HORMAD2: variants seen among roughly 807,000 people sequenced by gnomAD.
HORMAD2 encodes the protein HORMA domain-containing protein 2.
Under a neutral mutation model 38.8 loss-of-function variants are expected in HORMAD2, and 45 were observed. That is an observed-to-expected ratio of 1.16 (90% CI 0.91 to 1.49). The LOEUF (loss-of-function observed/expected upper bound fraction) is 1.49, where lower values mean the gene tolerates loss of function less well. Among genes scored for constraint, HORMAD2 ranks in the 40% most tolerant of loss-of-function variants. The probability of loss-of-function intolerance (pLI) is 0.00; values close to 1 mark genes in which losing one functional copy is unlikely to be tolerated. For missense variants in HORMAD2, 338 were observed against 367.0 expected, an observed-to-expected ratio of 0.92 and a Z score of 0.65; for synonymous variants, 126 against 122.8, an observed-to-expected ratio of 1.03 and a Z score of -0.17.
At chr22:30,191,443 A>G in the HORMAD2 span, among the ~76,000 whole-genome samples, 1 of 152,154 alleles carries the variant, frequency 6.6e-6, no homozygotes, top group Admixed American at 6.5e-5. Context: ...GGGGGACTCC[A>G]GCAGTGGGAG....
At chr22:30,096,571 G>A (rs545300412) in intron 2 of HORMAD2, among the ~76,000 whole-genome samples, 23 of 151,870 alleles carry the variant, frequency 1.5e-4, no homozygotes, top group African/African-American at 5.3e-4. Flanking sequence ...GGGTTCAAGT[G>A]TTTCTCCTGC....
Position 30,119,040 on chromosome 22 carries a change from T to A in HORMAD2, c.403T>A (p.Phe135Ile), listed in dbSNP as rs1480646686. The A allele has an allele frequency of 6.3e-7, 1 of 1,577,924 alleles. No individual in the cohort carries two copies. The highest frequency in any genetic ancestry group is 1.8e-5 in the Admixed American group (1 of 55,292). Residue 135 changes from phenylalanine to isoleucine, a missense_variant, in exon 8 of 11, where the codon TTT (phenylalanine) becomes ATT (isoleucine). Transcript: ENST00000336726. ...CACGAAAGAAGGAGCCACTATGGAT[T>A]TTGACAGGTAGAATCTAACTGCTTA... ...KYTKEGATMD[F>I]DSHSSSTSFE...
At position 30,176,053 on chromosome 22, in the gene HORMAD2, A is replaced by C; in HGVS notation, c.820-10A>C. ...TGCTGAATTGTGCCTCTCTCTGGTGATTCTCACAGATTCAAAGAATGAATT... is the reference window on the plus strand; with the variant it reads ...TGCTGAATTGTGCCTCTCTCTGGTGCTTCTCACAGATTCAAAGAATGAATT... On this transcript the variant is annotated splice_polypyrimidine_tract_variant and intron_variant, in intron 10 of 10. Transcript: ENST00000336726. 6.3e-7 allele frequency: 1 copy of C among 1,586,248 alleles called. No individual in the cohort carries two copies. Among genetic ancestry groups the C allele is most frequent in the African/African-American group, 1.3e-5 (1 of 74,406 alleles).
intron 10 of HORMAD2, among the ~76,000 whole-genome samples, chr22:30,133,863 A>G (rs1374019696): frequency 6.6e-6 from 1 of 152,148 alleles, no homozygotes; most frequent in African/African-American, 2.4e-5. Context: ...GGATTTGAGC[A>G]TCCATAGATT....
At chr22:30,102,804 A>AT (rs902593300) in intron 3 of HORMAD2, among the ~76,000 whole-genome samples, 1 of 151,630 alleles carries the variant, frequency 6.6e-6, no homozygotes, top group African/African-American at 2.4e-5. Context: ...TTTTTTAATT[A>AT]TTTTTTTTAG....
chr22:30,207,222 C>A, the HORMAD2 span: 2 of 398,172 alleles, frequency 5.0e-6, no homozygotes, highest in Non-Finnish European at 1.1e-5. Context: ...GGGTTTGGGA[C>A]GACAGGTGCA....
At position 30,176,046 on chromosome 22, in the gene HORMAD2, T is replaced by A; in HGVS notation, c.820-17T>A. The A allele has an allele frequency of 6.4e-7, 1 of 1,556,194 alleles. No homozygotes were observed. Among genetic ancestry groups the A allele is most frequent in the Non-Finnish European group, 8.9e-7 (1 of 1,127,770 alleles). On this transcript the variant is annotated splice_polypyrimidine_tract_variant and intron_variant, in intron 10 of 10. Coordinates refer to ENST00000336726, the MANE Select transcript of HORMAD2 (RefSeq NM_152510.4). ...AAATCTCTGCTGAATTGTGCCTCTC[T>A]CTGGTGATTCTCACAGATTCAAAGA...
chr22:30,092,793 G>A (rs2068714733), intron 1 of HORMAD2, among the ~76,000 whole-genome samples: 1 of 152,048 alleles, frequency 6.6e-6, no homozygotes, highest in Admixed American at 6.6e-5. Flanking sequence ...AAATAAGCTG[G>A]TTGTAAATAG....
chr22:30,135,203 T>C (rs776124486), intron 10 of HORMAD2, among the ~76,000 whole-genome samples: 22 of 151,926 alleles, frequency 1.4e-4, no homozygotes, highest in Non-Finnish European at 3.2e-4. Flanking sequence ...CTTTCACTCA[T>C]GAAAGAGTAA....
chr22:30,093,922 C>T lies in HORMAD2; in HGVS notation c.-31C>T, dbSNP rs374811011. 7.2e-6 allele frequency: 11 copies of T among 1,523,600 alleles called. No individual in the cohort carries two copies. The allele number at this position is 1,523,600 out of a possible 1,614,324, so 94.4% of individuals were successfully genotyped here. A position where few individuals can be genotyped will look rare whatever the true frequency, so the allele number is the denominator to read the frequency against. ...ATTAATTATTTTTTAATAGGTTGGA[C>T]TTGTTGAAATAATCCTGATACATTC... On this transcript the variant is annotated 5_prime_UTR_variant, in exon 2 of 11. Coordinates refer to ENST00000336726, the MANE Select transcript of HORMAD2 (RefSeq NM_152510.4).
intron 1 of HORMAD2, chr22:30,081,372 A>G (rs924810921): frequency 1.3e-5 from 2 of 152,212 alleles, no homozygotes; most frequent in African/African-American, 4.8e-5. Context: ...AAGATATTAA[A>G]AAGTCAAAAG....
intron 1 of HORMAD2, among the ~76,000 whole-genome samples, chr22:30,082,976 G>A (rs941784633): frequency 2.6e-5 from 4 of 152,048 alleles, no homozygotes; most frequent in Non-Finnish European, 5.9e-5. Flanking sequence ...CATATCAAAT[G>A]TAAGAGTGAG....
At chr22:30,090,393 A>G (rs1424835941) in intron 1 of HORMAD2, among the ~76,000 whole-genome samples, 1 of 152,122 alleles carries the variant, frequency 6.6e-6, no homozygotes, top group Non-Finnish European at 1.5e-5. Context: ...AAATAAAACA[A>G]TTGAGTAATA....
At position 30,118,987 on chromosome 22, in the gene HORMAD2, C is replaced by T; in HGVS notation, c.350C>T (p.Thr117Ile). The T allele has an allele frequency of 1.3e-6, 2 of 1,582,006 alleles. No individual in the cohort carries two copies. The highest frequency in any genetic ancestry group is 1.7e-6 in the Non-Finnish European group (2 of 1,162,766). Residue 117 changes from threonine (T) to isoleucine (I), a missense_variant, in exon 8 of 11, where the codon ACT (threonine) becomes ATT (isoleucine). Physicochemically the swap from Thr to Ile is moderately conservative, Grantham distance 89 (BLOSUM62 -1). Coordinates refer to ENST00000336726, the MANE Select transcript of HORMAD2 (RefSeq NM_152510.4). The stretch of plus-strand genomic sequence containing the variant: ...TTCCTTTGGTTTTTGTAGAAGGTGA[C>T]TGAGATGTACCAGTTCAAATTCAAA... Reference protein sequence around the residue: ...YTDPMGSEKVTEMYQFKFKYT... With the variant: ...YTDPMGSEKVIEMYQFKFKYT...
the HORMAD2 span, among the ~76,000 whole-genome samples, chr22:30,198,688 GTCCTCA>G: frequency 6.6e-6 from 1 of 151,984 alleles, no homozygotes. Flanking sequence ...CATCTCCCTG[GTCCTCA>G]TCCTCGCTTC....
intron 5 of HORMAD2, among the ~76,000 whole-genome samples, chr22:30,104,891 G>C (rs1340794075): frequency 6.6e-6 from 1 of 152,076 alleles, no homozygotes; most frequent in Admixed American, 6.6e-5. Flanking sequence ...AGCTAGTATT[G>C]TACCTCAAAT....
At chr22:30,106,505 C>A (rs1921208903) in intron 5 of HORMAD2, among the ~76,000 whole-genome samples, 1 of 152,084 alleles carries the variant, frequency 6.6e-6, no homozygotes, top group Non-Finnish European at 1.5e-5. Context: ...GAGAAAATAG[C>A]CTCTGAGCTT....
At chr22:30,083,401 C>T (rs941648145) in intron 1 of HORMAD2, among the ~76,000 whole-genome samples, 1 of 152,260 alleles carries the variant, frequency 6.6e-6, no homozygotes, top group African/African-American at 2.4e-5. Flanking sequence ...GTTATGAAAT[C>T]TCTTCTAGGT....
intron 10 of HORMAD2, chr22:30,136,992 T>G (rs968819129): frequency 6.0e-6 from 3 of 495,916 alleles, no homozygotes; most frequent in South Asian, 4.9e-5. Flanking sequence ...GACCTGTTAG[T>G]GTCAATTGTA....
Sources: gnomAD v4.1 joint callset for allele counts (sites outside exome capture counted in the v4.1 genomes callset) on GRCh38, gnomAD v4.1.1 for gene constraint, MANE v1.5 for transcripts, NCBI Gene and HGNC (gene_info 2026-07-23, HGNC 2026-07-21) for gene names.